The following SLC26A7 variants were observed in gnomAD, a reference collection of about 807,000 sequenced individuals.
SLC26A7 encodes anion exchange transporter.
SLC26A7 carries 59 observed loss-of-function variants against 82.5 expected under a neutral mutation model. The ratio of observed to expected loss-of-function variants is 0.72; its 90% confidence interval spans 0.58 to 0.89. SLC26A7 has a LOEUF of 0.89. Ranked by LOEUF, SLC26A7 falls within the 40% of genes least tolerant of loss-of-function variation. The pLI, the probability that SLC26A7 is intolerant of heterozygous loss-of-function variation, is 0.00. For synonymous variants in SLC26A7, 271 were observed against 274.3 expected (o/e 0.99, Z 0.12); for missense variants, 820 against 793.0 (o/e 1.03, Z -0.41).
intron 2 of SLC26A7, among the ~76,000 whole-genome samples, chr8:91,236,808 C>G (rs527755721): frequency 6.6e-6 from 1 of 152,152 alleles, no homozygotes; most frequent in Non-Finnish European, 1.5e-5. Context: ...ATAGTTCTGA[C>G]ATTATTATTT....
chr8:91,305,233 GTT>G (rs892545122), intron 4 of SLC26A7, among the ~76,000 whole-genome samples: 6 of 149,360 alleles, frequency 4.0e-5, no homozygotes, highest in Non-Finnish European at 1.5e-5. Flanking sequence ...ATTAAATTGA[GTT>G]TTTTTTTTCA....
At chr8:91,297,387 G>A (rs1812045246) in intron 4 of SLC26A7, among the ~76,000 whole-genome samples, 1 of 151,638 alleles carries the variant, frequency 6.6e-6, no homozygotes. Context: ...ACATATAAAA[G>A]TCAAAGCCAG....
chr8:91,294,191 T>C (rs35386021), intron 3 of SLC26A7, among the ~76,000 whole-genome samples: 9,660 of 152,294 alleles, frequency 0.063, 363 homozygotes, highest in African/African-American at 0.097. Context: ...TTTAGTCTTA[T>C]TAAAAATTAT....
intron 4 of SLC26A7, among the ~76,000 whole-genome samples, chr8:91,309,089 G>A (rs998844127): frequency 3.3e-5 from 5 of 151,978 alleles, no homozygotes; most frequent in African/African-American, 1.2e-4. Flanking sequence ...GACAGAGCAA[G>A]GGAATATTTT....
At chr8:91,327,950 C>A (rs1812978228) in intron 5 of SLC26A7, among the ~76,000 whole-genome samples, 1 of 152,014 alleles carries the variant, frequency 6.6e-6, no homozygotes, top group African/African-American at 2.4e-5. Flanking sequence ...TCAATAATAT[C>A]ATTATGCTCT....
intron 2 of SLC26A7, among the ~76,000 whole-genome samples, chr8:91,251,968 A>G (rs1238295660): frequency 6.6e-6 from 1 of 152,160 alleles, no homozygotes; most frequent in East Asian, 1.9e-4. Flanking sequence ...AAAAATAACT[A>G]GAATAGGATA....
chr8:91,284,335 A>C (rs1416409395), intron 2 of SLC26A7, among the ~76,000 whole-genome samples: 1 of 152,198 alleles, frequency 6.6e-6, no homozygotes, highest in African/African-American at 2.4e-5. Context: ...AGGAGCCTTT[A>C]GGGTTTTACA....
chr8:91,360,625 A>G (rs946620919), intron 11 of SLC26A7, among the ~76,000 whole-genome samples: 1 of 152,162 alleles, frequency 6.6e-6, no homozygotes, highest in Non-Finnish European at 1.5e-5. Flanking sequence ...TAAAAATAGA[A>G]CCAGATGGTA....
At chr8:91,334,269 G>A (rs199829679) in intron 5 of SLC26A7, 26 bp from the exon 6 acceptor site, 1 of 1,590,742 alleles carries the variant, frequency 6.3e-7, no homozygotes, top group Admixed American at 1.8e-5. Context: ...CCTGAATTTT[G>A]TTTGTATTTT....
At chr8:91,282,783 C>T (rs1292189490) in intron 2 of SLC26A7, among the ~76,000 whole-genome samples, 1 of 152,188 alleles carries the variant, frequency 6.6e-6, no homozygotes, top group Non-Finnish European at 1.5e-5. Context: ...TCACATGTGT[C>T]CTTTTTGCTG....
Position 91,369,787 on chromosome 8 carries a change from T to G in SLC26A7, c.1629T>G (p.Cys543Trp). The change falls in exon 15 of 19, where the codon TGT (cysteine) becomes TGG (tryptophan). Residue 543 changes from cysteine to tryptophan, a missense_variant and splice_region_variant. Physicochemically the swap from Cys to Trp is radical, Grantham distance 215. Transcript: ENST00000276609. ...CTTTATGTTTGTTTTTATTTTAGTG[T>G]GAACAAAACACATTGCTTAATTCCC... is the stretch of plus-strand genomic sequence containing the variant. The part of the protein sequence containing the change: ...CNQPLDDISK[C>W]EQNTLLNSLS... 6.3e-7 allele frequency: 1 copy of G among 1,583,204 alleles called. No homozygotes were observed. Among genetic ancestry groups the G allele is most frequent in the Non-Finnish European group, 8.6e-7 (1 of 1,166,290 alleles).
intron 5 of SLC26A7, among the ~76,000 whole-genome samples, chr8:91,327,299 C>G (rs1233812291): frequency 1.3e-5 from 2 of 152,116 alleles, no homozygotes; most frequent in Non-Finnish European, 2.9e-5. Flanking sequence ...AAAGCTATTT[C>G]AGGGCCGTGA....
At chr8:91,375,368 A>T (rs2130887103) in intron 15 of SLC26A7, among the ~76,000 whole-genome samples, 1 of 152,252 alleles carries the variant, frequency 6.6e-6, no homozygotes. Context: ...CATGGTAGCA[A>T]GTATTGTCCT....
rs769980038 is a variant in SLC26A7, at chr8:91,393,938, TC to T, written c.1836del (p.Leu613Ter). 6.2e-7 allele frequency: 1 copy of T among 1,613,460 alleles called. No homozygotes were observed. Among genetic ancestry groups the T allele is most frequent in the South Asian group, 1.1e-5 (1 of 90,980 alleles). The stretch of plus-strand genomic sequence containing the variant: ...ATATCACTTGTGCTTTCTTGAAGCT[TC>T]CTTGATAAAAGCAATGACGTATTAT... ...VDVLLAHCTA[S>X]LIKAMTYYGN... On this transcript the variant is annotated frameshift_variant, in exon 18 of 19. Transcript: ENST00000276609. LOFTEE classifies it high-confidence loss of function.
chr8:91,239,914 A>G (rs1405910502), intron 2 of SLC26A7, among the ~76,000 whole-genome samples: 1 of 152,234 alleles, frequency 6.6e-6, no homozygotes, highest in Non-Finnish European at 1.5e-5. Flanking sequence ...TTTTTAATGT[A>G]TTAAGACATA....
intron 4 of SLC26A7, among the ~76,000 whole-genome samples, chr8:91,311,273 TTA>T (rs1380403666): frequency 1.3e-5 from 2 of 152,176 alleles, no homozygotes; most frequent in Non-Finnish European, 2.9e-5. Flanking sequence ...AGACTACATA[TTA>T]TATGATTCCA....
At chr8:91,262,193 G>A (rs1351177972) in intron 2 of SLC26A7, among the ~76,000 whole-genome samples, 2 of 152,016 alleles carry the variant, frequency 1.3e-5, no homozygotes, top group African/African-American at 2.4e-5. Flanking sequence ...ATTTAGGTCC[G>A]GTTTGAGGAG....
intron 3 of SLC26A7, among the ~76,000 whole-genome samples, chr8:91,295,149 C>A (rs1291417489): frequency 6.6e-6 from 1 of 152,090 alleles, no homozygotes; most frequent in Non-Finnish European, 1.5e-5. Flanking sequence ...TGGATAAGAC[C>A]ATTTATATCC....
In SLC26A7 at chr8:91,318,228, G is replaced by A; in HGVS notation, c.490G>A (p.Val164Met). The change falls in exon 5 of 19, where the codon GTG becomes ATG. Residue 164 changes from valine to methionine, a missense_variant. Physicochemically the swap from Val to Met is conservative, Grantham distance 21. Transcript: ENST00000276609. ...LGGVIQVAMF[V>M]LQLGSATFVV... is the part of the protein sequence containing the mutation. ...CTTCTCCTCTTAGGTGGCCATGTTT[G>A]TGCTGCAACTGGGCAGTGCCACATT... 1 of 1,596,336 alleles carries A rather than the reference G, an allele frequency of 6.3e-7. No homozygotes were observed.
Sources: gnomAD v4.1 joint callset for allele counts (sites outside exome capture counted in the v4.1 genomes callset) on GRCh38, gnomAD v4.1.1 for gene constraint, MANE v1.5 for transcripts, NCBI Gene and HGNC (gene_info 2026-07-23, HGNC 2026-07-21) for gene names.